ALK: variants seen among roughly 807,000 people sequenced by gnomAD.
ALK encodes the protein ALK tyrosine kinase receptor.
ALK carries 74 observed loss-of-function variants against 163.1 expected under a neutral mutation model. The observed-to-expected ratio is 0.45, with a 90% CI of 0.38 to 0.55. The LOEUF (loss-of-function observed/expected upper bound fraction) is 0.55. Among genes scored for constraint, ALK ranks in the 20% least tolerant of loss-of-function variants. The pLI, the probability that ALK is intolerant of heterozygous loss-of-function variation, is 0.00. For missense variants in ALK, 2,063 were observed against 2,105.3 expected (o/e 0.98, Z 0.39); for synonymous variants, 960 against 843.2 (o/e 1.14, Z -2.40).
intron 1 of ALK, among the ~76,000 whole-genome samples, chr2:29,868,523 A>G (rs1000576683): frequency 1.3e-5 from 2 of 152,182 alleles, no homozygotes; most frequent in Admixed American, 1.3e-4. Context: ...GTGTAAGGTC[A>G]AATTTAAATA....
chr2:29,749,629 G>A (rs1477962901), intron 1 of ALK, among the ~76,000 whole-genome samples: 2 of 152,116 alleles, frequency 1.3e-5, no homozygotes, highest in Non-Finnish European at 2.9e-5. Flanking sequence ...TCCATAGGGC[G>A]GTGGGCCCAT....
In ALK at chr2:29,693,517, C is replaced by T. The variant is rs77777946; in HGVS notation, c.952+1333G>A. ...AAAATATAAGTCAAGGTCAACCCAT[C>T]CCAAAACAGTTATAAAAACAAAAAG... is the stretch of plus-strand genomic sequence containing the variant. On this transcript the variant is annotated intron_variant, in intron 3 of 28. Transcript: ENST00000389048. Among the ~76,000 whole-genome samples the T allele has an allele frequency of 5.3e-3, 807 of 152,044 alleles. 8 individuals carry two copies. Among genetic ancestry groups the T allele is most frequent in the African/African-American group, 0.018 (742 of 41,464 alleles).
At chr2:29,304,140 G>T (rs953097736) in intron 8 of ALK, among the ~76,000 whole-genome samples, 4 of 152,160 alleles carry the variant, frequency 2.6e-5, no homozygotes, top group Non-Finnish European at 5.9e-5. Context: ...GCCAGTCAGT[G>T]GTTTCCTGCT....
chr2:29,540,565 A>C (rs1174133821), intron 3 of ALK, among the ~76,000 whole-genome samples: 1 of 147,656 alleles, frequency 6.8e-6, no homozygotes, highest in Non-Finnish European at 1.5e-5. Context: ...ATAAAGGACT[A>C]AAGAGAAGAA....
chr2:29,841,190 C>T (rs1007016121), intron 1 of ALK, among the ~76,000 whole-genome samples: 3 of 151,936 alleles, frequency 2.0e-5, no homozygotes, highest in Non-Finnish European at 4.4e-5. Flanking sequence ...TAACATTACC[C>T]CCATCATTTA....
chr2:29,281,169 C>G (rs1665709607), intron 9 of ALK, among the ~76,000 whole-genome samples: 1 of 152,204 alleles, frequency 6.6e-6, no homozygotes, highest in Non-Finnish European at 1.5e-5. Context: ...CCAGATGAGC[C>G]ACCCTGGGTT....
intron 1 of ALK, among the ~76,000 whole-genome samples, chr2:29,754,233 C>G (rs2541186): frequency 0.84 from 128,240 of 152,156 alleles, 54,148 homozygotes; most frequent in African/African-American, 0.88. Flanking sequence ...AAGAAAGCCA[C>G]GTCCTCAAAT....
chr2:29,239,621 A>G (rs1664469066), intron 13 of ALK, 59 bp downstream of exon 13: 7 of 1,605,320 alleles, frequency 4.4e-6, no homozygotes, highest in Middle Eastern at 1.9e-4. Flanking sequence ...GGTGCCTCCA[A>G]GAGGCCTTCC....
At chr2:29,622,050 C>T (rs1018886067) in intron 3 of ALK, among the ~76,000 whole-genome samples, 1 of 152,156 alleles carries the variant, frequency 6.6e-6, no homozygotes, top group Admixed American at 6.5e-5. Context: ...TAGTGAAGCA[C>T]CAATGCTGCT....
chr2:29,542,681 T>A (rs1673444761), intron 3 of ALK, among the ~76,000 whole-genome samples: 1 of 152,202 alleles, frequency 6.6e-6, no homozygotes, highest in Non-Finnish European at 1.5e-5. Flanking sequence ...TTTTTCCTAT[T>A]TGGAAGCTTT....
intron 4 of ALK, among the ~76,000 whole-genome samples, chr2:29,398,374 C>T (rs951496731): frequency 2.0e-5 from 3 of 152,100 alleles, no homozygotes; most frequent in East Asian, 1.9e-4. Context: ...GATAAGGGCT[C>T]GGCCATCTCC....
intron 5 of ALK, among the ~76,000 whole-genome samples, chr2:29,369,538 C>T (rs1377309644): frequency 1.3e-5 from 2 of 152,182 alleles, no homozygotes; most frequent in Admixed American, 6.5e-5. Context: ...GGATATACAG[C>T]CTCAGGCCTG....
intron 3 of ALK, among the ~76,000 whole-genome samples, chr2:29,630,926 C>G (rs991955706): frequency 1.3e-5 from 2 of 152,092 alleles, no homozygotes; most frequent in Admixed American, 1.3e-4. Flanking sequence ...TATTTAGCTG[C>G]GATTTGTATA....
intron 1 of ALK, among the ~76,000 whole-genome samples, chr2:29,767,827 G>A (rs1680904960): frequency 6.6e-6 from 1 of 152,228 alleles, no homozygotes; most frequent in South Asian, 2.1e-4. Flanking sequence ...ATCTGGCCTG[G>A]CATCTTGTGT....
At chr2:29,839,869 G>A (rs1000394103) in intron 1 of ALK, among the ~76,000 whole-genome samples, 5 of 152,058 alleles carry the variant, frequency 3.3e-5, no homozygotes, top group Non-Finnish European at 7.4e-5. Flanking sequence ...AATAATAATT[G>A]TGAGTTTACT....
At chr2:29,277,221 T>G (rs1665570193) in intron 9 of ALK, among the ~76,000 whole-genome samples, 1 of 152,180 alleles carries the variant, frequency 6.6e-6, no homozygotes, top group Non-Finnish European at 1.5e-5. Flanking sequence ...TTTGCTCATA[T>G]GGATTTGCAG....
intron 9 of ALK, 90 bp downstream of exon 9, chr2:29,296,798 G>A: frequency 6.4e-7 from 1 of 1,556,246 alleles, no homozygotes; most frequent in Non-Finnish European, 8.8e-7. Context: ...TGTGTCTTGG[G>A]TAAAAGGCAC....
At chr2:29,378,858 A>C (rs540541043) in intron 5 of ALK, among the ~76,000 whole-genome samples, 1 of 152,250 alleles carries the variant, frequency 6.6e-6, no homozygotes, top group East Asian at 1.9e-4. Context: ...CCACAGGTGC[A>C]TGCCACCATG....
At chr2:29,909,058 CCATGG>C (rs1414840037) in intron 1 of ALK, among the ~76,000 whole-genome samples, 1 of 152,144 alleles carries the variant, frequency 6.6e-6, no homozygotes, top group African/African-American at 2.4e-5. Context: ...TGCGCACCTC[CCATGG>C]AGATCTATAT....
Sources: allele counts gnomAD v4.1 joint callset (sites outside exome capture counted in the v4.1 genomes callset), GRCh38; gene constraint gnomAD v4.1.1; transcripts MANE v1.5; gene names NCBI Gene and HGNC (gene_info 2026-07-23, HGNC 2026-07-21).